Variants in RTN4 observed in about 807,000 individuals in gnomAD.
RTN4 encodes reticulon-4.
Under a neutral mutation model 90.4 loss-of-function variants are expected in RTN4, and 32 were observed. The observed-to-expected ratio is 0.35, with a 90% CI of 0.27 to 0.48. The LOEUF (loss-of-function observed/expected upper bound fraction) is 0.48. Among genes scored for constraint, RTN4 ranks in the 20% least tolerant of loss-of-function variants. The pLI is 0.99. For synonymous variants in RTN4, 629 were observed against 552.5 expected, an observed-to-expected ratio of 1.14 and a Z score of -1.94; for missense variants, 1,706 against 1,430.2, an observed-to-expected ratio of 1.19 and a Z score of -3.11.
chr2:55,127,531 A>G, the RTN4 span, among the ~76,000 whole-genome samples: 1 of 152,206 alleles, frequency 6.6e-6, no homozygotes, highest in Non-Finnish European at 1.5e-5. Context: ...TGTGTCCCCA[A>G]ACGCTAAGTC....
At chr2:55,028,258 A>G (rs1380212067) in intron 1 of RTN4, 38 bp from the exon 2 acceptor site, 3 of 1,580,228 alleles carry the variant, frequency 1.9e-6, no homozygotes, top group South Asian at 1.1e-5. Flanking sequence ...GCAGAAATAA[A>G]GACAGATTGA....
intron 3 of RTN4, among the ~76,000 whole-genome samples, chr2:55,022,318 C>G (rs922213284): frequency 2.0e-5 from 3 of 152,140 alleles, no homozygotes; most frequent in Non-Finnish European, 4.4e-5. Flanking sequence ...CCTCCTAAAC[C>G]ATTTTACTGT....
intron 3 of RTN4, among the ~76,000 whole-genome samples, chr2:54,998,009 G>A (rs1472028503): frequency 6.6e-6 from 1 of 152,092 alleles, no homozygotes; most frequent in Non-Finnish European, 1.5e-5. Context: ...GAATAAGGGG[G>A]AAACTACTGT....
intron 1 of RTN4, among the ~76,000 whole-genome samples, chr2:55,105,766 A>G (rs1667932456): frequency 1.3e-5 from 2 of 151,990 alleles, no homozygotes; most frequent in Admixed American, 1.3e-4. Flanking sequence ...GTGACCAGGG[A>G]TACAAGACCA....
chr2:55,020,403 A>G (rs1274130455), intron 3 of RTN4, among the ~76,000 whole-genome samples: 1 of 143,486 alleles, frequency 7.0e-6, no homozygotes, highest in Non-Finnish European at 1.5e-5. Context: ...TAACATATCT[A>G]TAGCCAATCA....
the RTN4 span, among the ~76,000 whole-genome samples, chr2:55,123,747 G>A: frequency 7.2e-5 from 11 of 151,808 alleles, 1 homozygote; most frequent in African/African-American, 1.4e-4. Flanking sequence ...TGCCTATTAC[G>A]TTTATAAGTA....
chr2:55,030,404 C>G (rs1682218125), intron 1 of RTN4, among the ~76,000 whole-genome samples: 3 of 152,086 alleles, frequency 2.0e-5, no homozygotes, highest in African/African-American at 7.2e-5. Context: ...TTTCTAAAAG[C>G]TCTTTAAAAA....
Position 55,050,133 on chromosome 2 carries a change from C to G in RTN4, c.168G>C (p.Glu56Asp). Residue 56 changes from glutamate to aspartate, a missense_variant, in exon 1 of 9, where the codon GAG becomes GAC. Coordinates refer to ENST00000337526, the MANE Select transcript of RTN4 (RefSeq NM_020532.5). The surrounding 1 kb of genome is among the most constrained non-coding windows in gnomAD (Gnocchi z 4.6). ...CGGACAGCCCGGCGGCGGGCTTCCTCTCCAGCACCTCCAGCTCCTCCAGGT... is the reference window on the plus strand; with the variant it reads ...CGGACAGCCCGGCGGCGGGCTTCCTGTCCAGCACCTCCAGCTCCTCCAGGT... ...DEDLEELEVL[E>D]RKPAAGLSAA... is the part of the protein sequence containing the mutation. The G allele has an allele frequency of 6.5e-7, 1 of 1,540,356 alleles. No homozygotes were observed. Among genetic ancestry groups the G allele is most frequent in the Non-Finnish European group, 8.7e-7 (1 of 1,151,410 alleles).
At chr2:55,035,656 C>T (rs185699958) in intron 1 of RTN4, among the ~76,000 whole-genome samples, 1 of 151,810 alleles carries the variant, frequency 6.6e-6, no homozygotes, top group East Asian at 1.9e-4. Context: ...CAAAAAGTTG[C>T]TTCCCTGAAA....
rs749066371 is a variant in RTN4 at position 54,974,707 on chromosome 2, G to A, written c.3418C>T (p.Leu1140=). 1 of 1,613,410 alleles carries A rather than the reference G, an allele frequency of 6.2e-7. No homozygotes were observed. The highest frequency in any genetic ancestry group is 1.3e-5 in the African/African-American group (1 of 74,896). ...TTTGTAGACTTACCCAAAATCAGTA[G>A]TGTCAGACCATTAAACAAGGCACCA... The part of the protein sequence containing the change: ...YVGALFNGLT[L]LILALISLFS... The change falls in exon 6 of 9, where the codon CTA becomes TTA. Residue 1140 remains leucine, a synonymous_variant. Transcript: ENST00000337526.
chr2:55,032,269 G>A (rs942702330), intron 1 of RTN4, among the ~76,000 whole-genome samples: 8 of 152,104 alleles, frequency 5.3e-5, no homozygotes, highest in Non-Finnish European at 1.2e-4. Context: ...TAGTAGAGAC[G>A]GGGTTCACTA....
At chr2:55,104,464 C>T (rs1667907407) in intron 1 of RTN4, among the ~76,000 whole-genome samples, 1 of 151,940 alleles carries the variant, frequency 6.6e-6, no homozygotes, top group African/African-American at 2.4e-5. Flanking sequence ...GATTCTCGTG[C>T]TTCAGCCTCC....
chr2:55,096,236 G>C (rs1157508512), intron 1 of RTN4, among the ~76,000 whole-genome samples: 2 of 151,936 alleles, frequency 1.3e-5, no homozygotes, highest in Non-Finnish European at 2.9e-5. Context: ...TGAGGCAGGA[G>C]AATCGCTTGA....
At chr2:55,082,238 T>C (rs1423184926) in intron 1 of RTN4, among the ~76,000 whole-genome samples, 1 of 152,228 alleles carries the variant, frequency 6.6e-6, no homozygotes, top group Non-Finnish European at 1.5e-5. Context: ...CCAAGGTGTA[T>C]TCACCTGATG....
intron 3 of RTN4, among the ~76,000 whole-genome samples, chr2:55,001,747 T>C (rs1679864784): frequency 1.3e-5 from 2 of 152,178 alleles, no homozygotes; most frequent in Admixed American, 1.3e-4. Context: ...TTCAAAAGAT[T>C]AGGAAGAGCC....
chr2:55,092,136 G>C (rs1053028600), intron 1 of RTN4, among the ~76,000 whole-genome samples: 1 of 150,988 alleles, frequency 6.6e-6, no homozygotes, highest in Non-Finnish European at 1.5e-5. Context: ...GCTGCAGTGA[G>C]CTGAGATGGC....
chr2:54,989,163 A>G (rs561099841), intron 3 of RTN4, among the ~76,000 whole-genome samples: 23 of 152,208 alleles, frequency 1.5e-4, no homozygotes, highest in Non-Finnish European at 2.6e-4. Context: ...ATATTAGTAC[A>G]AAGCCCTTAA....
chr2:55,129,340 G>A, the RTN4 span, among the ~76,000 whole-genome samples: 1 of 152,002 alleles, frequency 6.6e-6, no homozygotes, highest in Admixed American at 6.6e-5. Context: ...TTGGAAGGCC[G>A]AGGCAGGCAG....
upstream of RTN4, among the ~76,000 whole-genome samples, chr2:55,116,283 C>A (rs1475256279): frequency 6.6e-6 from 1 of 151,942 alleles, no homozygotes; most frequent in Non-Finnish European, 1.5e-5. Flanking sequence ...AAGACTCTGG[C>A]TGTGCTAGAA....
Sources: gnomAD v4.1 joint callset for allele counts (sites outside exome capture counted in the v4.1 genomes callset) on GRCh38, gnomAD v4.1.1 for gene constraint, Gnocchi (gnomAD v3.1) non-coding constraint, MANE v1.5 for transcripts, NCBI Gene and HGNC (gene_info 2026-07-23, HGNC 2026-07-21) for gene names.